RAP2A: variants seen among roughly 807,000 people sequenced by gnomAD.
RAP2A encodes ras-related protein Rap-2a.
RAP2A carries 5 observed loss-of-function variants against 15.1 expected under a neutral mutation model. The observed-to-expected ratio is 0.33, with a 90% CI of 0.17 to 0.70. RAP2A has a LOEUF of 0.70. Ranked by LOEUF, RAP2A falls within the 30% of genes least tolerant of loss-of-function variation. The pLI is 0.68. For synonymous variants in RAP2A, 110 were observed against 99.7 expected (o/e 1.10, Z -0.62); for missense variants, 111 against 240.3 (o/e 0.46, Z 3.56).
intron 1 of RAP2A, among the ~76,000 whole-genome samples, chr13:97,456,056 T>G (rs1271061566): frequency 6.8e-6 from 1 of 147,416 alleles, no homozygotes; most frequent in African/African-American, 2.5e-5. Context: ...CTAATGAAGT[T>G]TTAGCTACTG....
intron 1 of RAP2A, among the ~76,000 whole-genome samples, chr13:97,454,154 G>T (rs1182732984): frequency 6.6e-6 from 1 of 150,868 alleles, no homozygotes; most frequent in Non-Finnish European, 1.5e-5. Flanking sequence ...AATCTAATTT[G>T]GTTAGTGTTT....
rs1047083600 is a variant in RAP2A, at chr13:97,467,475, G to C, written c.*3033G>C. The C allele has an allele frequency of 6.6e-6, 1 of 152,480 alleles. No homozygotes were observed. The highest frequency in any genetic ancestry group is 1.5e-5 in the Non-Finnish European group (1 of 67,998). The allele number at this position is 152,480 out of a possible 1,614,324, so 9.4% of individuals were successfully genotyped here. ...AAGAAATGTTGCCTAAGGCTGTCTG[G>C]TATTTCTTTTCAAGGGTTTTCCAGT... On this transcript the variant is annotated 3_prime_UTR_variant, in exon 2 of 2. Coordinates refer to ENST00000245304, the MANE Select transcript of RAP2A (RefSeq NM_021033.7).
rs2066769624 is a variant in RAP2A, at chr13:97,466,037, TC to T, written c.*1597del. On this transcript the variant is annotated 3_prime_UTR_variant, in exon 2 of 2. Coordinates refer to ENST00000245304, the MANE Select transcript of RAP2A (RefSeq NM_021033.7). ...TTGTGTGTGCATGTGTGTTTATTGT[TC>T]CTAAGAATTTGGCACAAGTCAGAGA... 1 of 152,140 alleles carries T rather than the reference TC, an allele frequency of 6.6e-6. No homozygotes were observed. The highest frequency in any genetic ancestry group is 1.9e-4 in the East Asian group (1 of 5,194). 9.4% of individuals were successfully genotyped at this position (152,140 alleles called of 1,614,324 possible).
chr13:97,449,666 G>T (rs2066694041), intron 1 of RAP2A, among the ~76,000 whole-genome samples: 1 of 152,070 alleles, frequency 6.6e-6, no homozygotes, highest in Admixed American at 6.6e-5. Context: ...GCTGTTGAGG[G>T]CCATAACCTC....
At chr13:97,450,924 G>A (rs189139996) in intron 1 of RAP2A, among the ~76,000 whole-genome samples, 16 of 152,274 alleles carry the variant, frequency 1.1e-4, no homozygotes, top group African/African-American at 3.6e-4. Flanking sequence ...GCAATATATA[G>A]ATCTAATAGT....
intron 1 of RAP2A, among the ~76,000 whole-genome samples, chr13:97,442,927 ATC>A (rs2066664067): frequency 6.6e-6 from 1 of 152,216 alleles, no homozygotes; most frequent in South Asian, 2.1e-4. Context: ...GAAAGCATTT[ATC>A]TCTGTTGTGC....
At chr13:97,446,446 C>A (rs1162606857) in intron 1 of RAP2A, among the ~76,000 whole-genome samples, 1 of 152,132 alleles carries the variant, frequency 6.6e-6, no homozygotes, top group Non-Finnish European at 1.5e-5. Context: ...AAGATGACAT[C>A]TTTTTTACTA....
intron 1 of RAP2A, chr13:97,435,866 C>A (rs1345248011): frequency 6.6e-6 from 1 of 152,148 alleles, no homozygotes; most frequent in Admixed American, 6.5e-5. Flanking sequence ...GAGCCTAAAT[C>A]TGAAGACCTT....
In RAP2A at chr13:97,453,843, G is replaced by A. The variant is rs754520990; in HGVS notation, c.315-10362G>A. ...AGCAATGTATCTAGTTTGCGTCCTC[G>A]CCAGCATTTTAGTGTTGTCACTATT... On this transcript the variant is annotated intron_variant, in intron 1 of 1. Coordinates refer to ENST00000245304, the MANE Select transcript of RAP2A (RefSeq NM_021033.7). 2.7e-4 allele frequency among the ~76,000 whole-genome samples: 40 copies of A among 150,594 alleles called. 1 individual carries two copies. The highest frequency in any genetic ancestry group is 4.4e-4 in the Non-Finnish European group (30 of 67,644).
rs376810663 is a variant in RAP2A at position 97,450,583 on chromosome 13, T to G, written c.315-13622T>G. Among the ~76,000 whole-genome samples, 3 of 152,174 alleles carry G rather than the reference T, an allele frequency of 2.0e-5. No individual in the cohort carries two copies. The South Asian group carries it at 6.2e-4, about 32-fold the overall frequency. Reference sequence around the variant, plus strand: ...TTTTTATTAAAATGTACACTCTAGCTACACATTCAAGTATCAAATACAGAT... The same window carrying G: ...TTTTTATTAAAATGTACACTCTAGCGACACATTCAAGTATCAAATACAGAT... On this transcript the variant is annotated intron_variant, in intron 1 of 1. Transcript: ENST00000245304.
chr13:97,452,891 C>A (rs1010591583), intron 1 of RAP2A, among the ~76,000 whole-genome samples: 2 of 151,122 alleles, frequency 1.3e-5, no homozygotes, highest in Admixed American at 6.6e-5. Flanking sequence ...ATTTGCTGTT[C>A]TTTGGTGCTA....
At position 97,444,633 on chromosome 13, in the gene RAP2A, A is replaced by C. The variant is rs60880333; in HGVS notation, c.314+9849A>C. On this transcript the variant is annotated intron_variant, in intron 1 of 1. Transcript: ENST00000245304. Reference sequence around the variant, plus strand: ...TATCTTTGTCCTTCTGGTGTGCCAAAATGTCCTATAAATGGGTATATATTT... The same window carrying C: ...TATCTTTGTCCTTCTGGTGTGCCAACATGTCCTATAAATGGGTATATATTT... Among the ~76,000 whole-genome samples the C allele has an allele frequency of 2.1e-3, 327 of 152,332 alleles. 8 individuals are homozygous for C. In the East Asian group the frequency reaches 0.058, roughly 27 times the overall value.
At chr13:97,461,683 G>C (rs2066746408) in intron 1 of RAP2A, among the ~76,000 whole-genome samples, 1 of 152,086 alleles carries the variant, frequency 6.6e-6, no homozygotes, top group African/African-American at 2.4e-5. Flanking sequence ...CATGATACAG[G>C]CTGGGTGCGG....
intron 1 of RAP2A, among the ~76,000 whole-genome samples, chr13:97,454,288 A>G (rs975743406): frequency 1.3e-5 from 2 of 151,088 alleles, no homozygotes; most frequent in African/African-American, 2.4e-5. Flanking sequence ...CTTTTTATTC[A>G]TGTGTTTAAA....
chr13:97,450,261 T>C (rs2066696742), intron 1 of RAP2A, among the ~76,000 whole-genome samples: 2 of 152,204 alleles, frequency 1.3e-5, no homozygotes, highest in South Asian at 2.1e-4. Flanking sequence ...AAAAGATATA[T>C]ACTATAATTT....
chr13:97,434,837 G>A (rs1440027659), intron 1 of RAP2A, 53 bp downstream of exon 1: 26 of 1,596,144 alleles, frequency 1.6e-5, no homozygotes, highest in Non-Finnish European at 2.0e-5. Flanking sequence ...TCACCGTCCC[G>A]GGGCTGGAAC....
At chr13:97,449,717 ATTTGT>A (rs1442158748) in intron 1 of RAP2A, among the ~76,000 whole-genome samples, 1 of 137,214 alleles carries the variant, frequency 7.3e-6, no homozygotes, top group African/African-American at 2.6e-5. Context: ...TTCATTGTGC[ATTTGT>A]TTTATTTTTT....
In RAP2A at chr13:97,434,776, C is replaced by T. The variant is rs1321984598; in HGVS notation, c.306C>T (p.Arg102=). Residue 102 remains arginine, a synonymous_variant, in exon 1 of 2, where the codon CGC becomes CGT. Transcript: ENST00000245304. ...DIKPMRDQII[R]VKRYEKVPVI... ...AGCCCATGCGGGACCAGATCATCCG[C>T]GTGAAGCGGTGAGCGAGGGCACACG... is the stretch of plus-strand genomic sequence containing the variant. 1 of 1,613,952 alleles carries T rather than the reference C, an allele frequency of 6.2e-7. No homozygotes were observed. The highest frequency in any genetic ancestry group is 2.2e-5 in the East Asian group (1 of 44,824).
At position 97,467,407 on chromosome 13, in the gene RAP2A, C is replaced by T. The variant is rs1176446640; in HGVS notation, c.*2965C>T. 6.6e-6 allele frequency: 1 copy of T among 152,556 alleles called. No individual in the cohort carries two copies. Among genetic ancestry groups the T allele is most frequent in the Non-Finnish European group, 1.5e-5 (1 of 68,032 alleles). 9.5% of individuals were successfully genotyped at this position (152,556 alleles called of 1,614,324 possible). A position where few individuals can be genotyped will look rare whatever the true frequency, so the allele number is the denominator to read the frequency against. On this transcript the variant is annotated 3_prime_UTR_variant, in exon 2 of 2. Coordinates refer to ENST00000245304, the MANE Select transcript of RAP2A (RefSeq NM_021033.7). ...TGACTCAAATTGCTACAGTTGCCAT[C>T]ACCTTTCTGTGGTAATACTACTGAT... is the stretch of plus-strand genomic sequence containing the variant.
Sources: gnomAD v4.1 joint callset for allele counts (sites outside exome capture counted in the v4.1 genomes callset) on GRCh38, gnomAD v4.1.1 for gene constraint, MANE v1.5 for transcripts, NCBI Gene and HGNC (gene_info 2026-07-23, HGNC 2026-07-21) for gene names.